The following PRP4K variants were observed in gnomAD, a reference collection of about 807,000 sequenced individuals.
PRP4K encodes the protein serine/threonine-protein kinase PRP4 homolog.
chr6:4,032,353 T>G, the PRP4K span: 3 of 1,613,884 alleles, frequency 1.9e-6, no homozygotes, highest in African/African-American at 4.0e-5. Flanking sequence ...AAATCCCCAA[T>G]TATAAATGAA....
the PRP4K span, among the ~76,000 whole-genome samples, chr6:4,053,486 G>C: frequency 6.6e-6 from 1 of 152,116 alleles, no homozygotes; most frequent in Non-Finnish European, 1.5e-5. Flanking sequence ...AGTGTGTATT[G>C]TTCCCCTGTG....
At chr6:4,049,180 C>T in the PRP4K span, 209 of 1,335,032 alleles carry the variant, frequency 1.6e-4, 2 homozygotes, top group Middle Eastern at 3.0e-3. Flanking sequence ...GATGCAATCA[C>T]AGATTATTGG....
chr6:4,057,593 T>C, the PRP4K span, among the ~76,000 whole-genome samples: 3 of 152,156 alleles, frequency 2.0e-5, no homozygotes, highest in South Asian at 6.2e-4. Context: ...TATTAAAGAT[T>C]GGAGGTTATT....
the PRP4K span, among the ~76,000 whole-genome samples, chr6:4,023,653 T>G: frequency 6.6e-6 from 1 of 152,262 alleles, no homozygotes; most frequent in African/African-American, 2.4e-5. Flanking sequence ...CCAGAGGGAA[T>G]GTTTTAAGAC....
At chr6:4,021,868 G>A in the PRP4K span, among the ~76,000 whole-genome samples, 5 of 152,206 alleles carry the variant, frequency 3.3e-5, no homozygotes, top group African/African-American at 1.2e-4. Context: ...CAGCAGGCGG[G>A]CCAAGCCCTA....
At chr6:4,039,672 ACTGTTT>A in the PRP4K span, among the ~76,000 whole-genome samples, 1 of 151,858 alleles carries the variant, frequency 6.6e-6, no homozygotes, top group Non-Finnish European at 1.5e-5. Flanking sequence ...ACATGTTCTG[ACTGTTT>A]CTGATTTACC....
At chr6:4,049,383 C>T in the PRP4K span, 13 of 456,350 alleles carry the variant, frequency 2.8e-5, no homozygotes, top group African/African-American at 4.0e-5. Flanking sequence ...GGAAGGGGTA[C>T]GTCACTTACT....
the PRP4K span, among the ~76,000 whole-genome samples, chr6:4,027,592 C>CGGGGGGGG: frequency 1.3e-3 from 10 of 7,852 alleles, no homozygotes; most frequent in African/African-American, 3.0e-3. Flanking sequence ...GCTTATTTGG[C>CGGGGGGGG]GGAGGGGTGG....
chr6:4,058,913 G>C, the PRP4K span: 1 of 935,706 alleles, frequency 1.1e-6, no homozygotes, highest in African/African-American at 1.7e-5. Context: ...AAACCCAAAA[G>C]TAAGTATTTC....
At chr6:4,048,026 T>C in the PRP4K span, among the ~76,000 whole-genome samples, 2 of 151,912 alleles carry the variant, frequency 1.3e-5, no homozygotes, top group Non-Finnish European at 2.9e-5. Context: ...TCAGTACTCA[T>C]TTGCTTGGTT....
chr6:4,048,248 G>A, the PRP4K span, among the ~76,000 whole-genome samples: 3 of 152,042 alleles, frequency 2.0e-5, no homozygotes, highest in South Asian at 6.2e-4. Flanking sequence ...ACGTGGTGGC[G>A]GGCGCCTGTA....
the PRP4K span, among the ~76,000 whole-genome samples, chr6:4,057,809 C>A: frequency 7.5e-6 from 1 of 133,684 alleles, no homozygotes; most frequent in Non-Finnish European, 1.5e-5. Flanking sequence ...GGCTGCAGTG[C>A]AGTGGCGCGA....
chr6:4,037,205 C>T, the PRP4K span, among the ~76,000 whole-genome samples: 4 of 151,970 alleles, frequency 2.6e-5, no homozygotes, highest in African/African-American at 9.7e-5. Context: ...GAAATAAGAC[C>T]TTTCATTGTT....
At chr6:4,052,703 T>C in the PRP4K span, 1 of 1,518,198 alleles carries the variant, frequency 6.6e-7, no homozygotes, top group Non-Finnish European at 8.9e-7. Context: ...TTTCTTTTTT[T>C]AATTTTCTCC....
the PRP4K span, among the ~76,000 whole-genome samples, chr6:4,040,159 T>C: frequency 6.6e-6 from 1 of 150,982 alleles, no homozygotes; most frequent in Non-Finnish European, 1.5e-5. Flanking sequence ...AGATTATATG[T>C]GTGTACCACT....
the PRP4K span, chr6:4,021,367 C>T: frequency 8.4e-6 from 13 of 1,552,284 alleles, no homozygotes; most frequent in East Asian, 2.4e-5. Context: ...CTCCACTTCC[C>T]CTACCCTCCA....
chr6:4,056,807 C>A, the PRP4K span: 2 of 1,267,848 alleles, frequency 1.6e-6, no homozygotes, highest in Non-Finnish European at 2.1e-6. Flanking sequence ...TACATATTTT[C>A]TTTTGCCCTT....
At chr6:4,032,372 T>C in the PRP4K span, 1 of 1,613,992 alleles carries the variant, frequency 6.2e-7, no homozygotes, top group Non-Finnish European at 8.5e-7. Context: ...AAAGTAGAAG[T>C]CGCGATCGAG....
the PRP4K span, among the ~76,000 whole-genome samples, chr6:4,035,048 CTAGTT>C: frequency 6.6e-6 from 1 of 151,792 alleles, no homozygotes; most frequent in Non-Finnish European, 1.5e-5. Flanking sequence ...TCTTTTTATA[CTAGTT>C]TACTTTATCC....
Sources: allele counts gnomAD v4.1 joint callset (sites outside exome capture counted in the v4.1 genomes callset), GRCh38; gene constraint gnomAD v4.1.1; transcripts MANE v1.5; gene names NCBI Gene and HGNC (gene_info 2026-07-23, HGNC 2026-07-21).